Variants in ADCY10 observed in about 807,000 individuals in gnomAD.
ADCY10 encodes adenylate cyclase type 10.
In ADCY10, 156 loss-of-function variants were observed where a neutral mutation model predicts 183.3. The ratio of observed to expected loss-of-function variants is 0.85; its 90% CI spans 0.75 to 0.97. ADCY10 has a LOEUF of 0.97. ADCY10 is among the 50% of genes least tolerant of loss of function. ADCY10 has a pLI of 0.00. For missense variants in ADCY10, 1,745 were observed against 1,934.3 expected (o/e 0.90, Z 1.84); for synonymous variants, 645 against 670.0 (o/e 0.96, Z 0.58).
chr1:167,859,189 A>G (rs1039429320), intron 16 of ADCY10, among the ~76,000 whole-genome samples: 3 of 152,230 alleles, frequency 2.0e-5, no homozygotes, highest in Non-Finnish European at 1.5e-5. Flanking sequence ...CAAGGCTCTT[A>G]GGAATATGGT....
Position 167,820,144 on chromosome 1 carries a change from CT to C in ADCY10, c.4287-1878del, listed in dbSNP as rs1053774465. The C allele has an allele frequency of 3.9e-6, 6 of 1,549,126 alleles. No homozygotes were observed. The Admixed American group carries it at 6.2e-5, about 16-fold the overall frequency. On this transcript the variant is annotated intron_variant, in intron 30 of 32. Transcript: ENST00000367851. ...GACCATGACTCAGCTTTTTGGATCCCTTAATTTCCTGCCCCGCAGATTCCCC... is the reference window on the plus strand; with the variant it reads ...GACCATGACTCAGCTTTTTGGATCCCTAATTTCCTGCCCCGCAGATTCCCC...
At chr1:167,871,798 A>C (rs1215237951) in intron 13 of ADCY10, among the ~76,000 whole-genome samples, 1 of 152,206 alleles carries the variant, frequency 6.6e-6, no homozygotes, top group Non-Finnish European at 1.5e-5. Context: ...TACTTAGCAG[A>C]CTGTATTGCT....
chr1:167,891,539 C>G (rs968729130), intron 8 of ADCY10, among the ~76,000 whole-genome samples: 5 of 151,588 alleles, frequency 3.3e-5, no homozygotes, highest in Admixed American at 6.6e-5. Context: ...GCCTGTAGTC[C>G]CAGCTACTCA....
At chr1:167,912,790 T>A (rs1301221902) in intron 1 of ADCY10, among the ~76,000 whole-genome samples, 2 of 152,226 alleles carry the variant, frequency 1.3e-5, no homozygotes, top group Non-Finnish European at 2.9e-5. Flanking sequence ...CCTCCACTCA[T>A]CGGAGCCGTA....
Position 167,827,719 on chromosome 1 carries a change from AT to A in ADCY10, c.3750+1547del, listed in dbSNP as rs907113114. ...GGCATTTTAAATTTAAAAAAAAAAAATTTTTTTTTTTGAGTTGGAGTCTCGC... is the reference window on the plus strand; with the variant it reads ...GGCATTTTAAATTTAAAAAAAAAAAATTTTTTTTTTGAGTTGGAGTCTCGC... On this transcript the variant is annotated intron_variant, in intron 26 of 32. Transcript: ENST00000367851. Among the ~76,000 whole-genome samples, 7 of 107,136 alleles carry A rather than the reference AT, an allele frequency of 6.5e-5. No homozygotes were observed. In the East Asian group the frequency reaches 9.6e-4, roughly 15 times the overall value. 70.3% of individuals were successfully genotyped at this position (107,136 alleles called of 152,430 possible). A position where few individuals can be genotyped will look rare whatever the true frequency, so the allele number is the denominator to read the frequency against.
intron 14 of ADCY10, among the ~76,000 whole-genome samples, chr1:167,863,505 C>A (rs1424640346): frequency 2.6e-5 from 4 of 152,088 alleles, no homozygotes; most frequent in Non-Finnish European, 4.4e-5. Flanking sequence ...ATTCTCCCAG[C>A]TGATTAAAGC....
At chr1:167,898,594 G>GTT (rs67534872) in intron 6 of ADCY10, among the ~76,000 whole-genome samples, 1 of 146,582 alleles carries the variant, frequency 6.8e-6, no homozygotes, top group Non-Finnish European at 1.5e-5. Context: ...GCGAGACTCC[G>GTT]TTTTTTTTTT....
chr1:167,864,851 G>C (rs1666568344), intron 14 of ADCY10, among the ~76,000 whole-genome samples: 1 of 149,806 alleles, frequency 6.7e-6, no homozygotes, highest in African/African-American at 2.5e-5. Context: ...CCCACGGATG[G>C]CCCAGATGCA....
chr1:167,856,988 C>T (rs1320260876), intron 16 of ADCY10, among the ~76,000 whole-genome samples: 1 of 152,226 alleles, frequency 6.6e-6, no homozygotes, highest in Admixed American at 6.5e-5. Flanking sequence ...GGTCCCTTTT[C>T]TCATATAGAC....
chr1:167,887,397 G>C (rs1294469274), intron 8 of ADCY10, among the ~76,000 whole-genome samples: 1 of 152,170 alleles, frequency 6.6e-6, no homozygotes, highest in Non-Finnish European at 1.5e-5. Flanking sequence ...CCTTTGTAGG[G>C]ACATGGATGA....
Position 167,810,804 on chromosome 1 carries a change from C to A in ADCY10, c.4592G>T (p.Gly1531Val). 1 of 1,614,202 alleles carries A rather than the reference C, an allele frequency of 6.2e-7. No homozygotes were observed. The highest frequency in any genetic ancestry group is 8.5e-7 in the Non-Finnish European group (1 of 1,180,034). Residue 1531 changes from glycine to valine, a missense_variant, in exon 32 of 33, where the codon GGC becomes GTC. By Grantham distance (109) the Gly-to-Val change is moderately radical. Transcript: ENST00000367851. ...CCGCAAGGCTGTGTTCAGGAAGAGG[C>A]CACATTTCTGCCCATCTCCCATTAA... ...CILMGDGQKC[G>V]LFLNTALRLS...
chr1:167,860,622 A>G (rs1346468972), intron 15 of ADCY10, among the ~76,000 whole-genome samples: 2 of 152,152 alleles, frequency 1.3e-5, no homozygotes, highest in Non-Finnish European at 2.9e-5. Context: ...TAGTATAGCT[A>G]TGATAGAAAG....
chr1:167,894,910 C>T (rs867716681), intron 7 of ADCY10, among the ~76,000 whole-genome samples: 1 of 152,094 alleles, frequency 6.6e-6, no homozygotes, highest in African/African-American at 2.4e-5. Context: ...GCAGGCCGAG[C>T]ACGGTGGCTC....
chr1:167,840,736 T>A (rs1664563215), intron 21 of ADCY10, among the ~76,000 whole-genome samples: 1 of 137,962 alleles, frequency 7.2e-6, no homozygotes, highest in Admixed American at 7.1e-5. Flanking sequence ...ACAAGGAGAA[T>A]CTGTAAAAAT....
intron 31 of ADCY10, among the ~76,000 whole-genome samples, chr1:167,815,954 C>T (rs1033887039): frequency 1.6e-4 from 25 of 151,650 alleles, no homozygotes; most frequent in African/African-American, 6.1e-4. Flanking sequence ...TCAATAGAAA[C>T]CTACAAAACT....
In ADCY10 at chr1:167,809,467, A is replaced by G; in HGVS notation, c.*211T>C. 5.1e-6 allele frequency: 3 copies of G among 584,046 alleles called. No individual in the cohort carries two copies. The highest frequency in any genetic ancestry group is 9.0e-6 in the Non-Finnish European group (3 of 334,168). 36.2% of individuals were successfully genotyped at this position (584,046 alleles called of 1,614,324 possible). The stretch of plus-strand genomic sequence containing the variant: ...CAAGCTAAAACAACATGAATGGTAA[A>G]AGCAATTTTTTGTAACATTAGGAAG... On this transcript the variant is annotated 3_prime_UTR_variant, in exon 33 of 33. Transcript: ENST00000367851.
rs1668781162 is a variant in ADCY10 at position 167,893,939 on chromosome 1, G to A, written c.742C>T (p.Leu248Phe). Residue 248 changes from leucine to phenylalanine, a missense_variant and splice_region_variant, in exon 8 of 33, where the codon CTC becomes TTC. Transcript: ENST00000367851. Reference protein sequence around the residue: ...HYYPSGEHKNLLRLACTLKPD... With the variant: ...HYYPSGEHKNFLRLACTLKPD... ...TTCAGCGTGCATGCAAGCCTCAGGA[G>A]GTCTAAGAAGGCAGAAGGAGGGTGC... The A allele has an allele frequency of 6.2e-7, 1 of 1,612,356 alleles. No homozygotes were observed. Among genetic ancestry groups the A allele is most frequent in the Non-Finnish European group, 8.5e-7 (1 of 1,178,696 alleles).
At chr1:167,847,970 C>A (rs1328250228) in intron 19 of ADCY10, among the ~76,000 whole-genome samples, 1 of 152,218 alleles carries the variant, frequency 6.6e-6, no homozygotes, top group Non-Finnish European at 1.5e-5. Context: ...AGACAAACAA[C>A]CAATGTTGCT....
Position 167,896,644 on chromosome 1 carries a change from G to C in ADCY10, c.690C>G (p.Phe230Leu), listed in dbSNP as rs1011358533. The change falls in exon 7 of 33, where the codon TTC (phenylalanine) becomes TTG (leucine). Residue 230 changes from phenylalanine (F) to leucine (L), a missense_variant. Phe to Leu is a conservative substitution (Grantham distance 22, BLOSUM62 0). Coordinates refer to ENST00000367851, the MANE Select transcript of ADCY10 (RefSeq NM_018417.6). Reference sequence around the variant, plus strand: ...AATGCATGAAGGTCGTACACTTTGTGAAAAATTCATCAAAATTAAAATTGG... The same window carrying C: ...AATGCATGAAGGTCGTACACTTTGTCAAAAATTCATCAAAATTAAAATTGG... ...PPPNFNFDEF[F>L]TKCTTFMHYY... 3.1e-6 allele frequency: 5 copies of C among 1,613,582 alleles called. No individual in the cohort carries two copies. The highest frequency in any genetic ancestry group is 4.2e-6 in the Non-Finnish European group (5 of 1,179,648).
Sources: allele counts gnomAD v4.1 joint callset (sites outside exome capture counted in the v4.1 genomes callset), GRCh38; gene constraint gnomAD v4.1.1; transcripts MANE v1.5; gene names NCBI Gene and HGNC (gene_info 2026-07-23, HGNC 2026-07-21).